RP1: variants seen among roughly 807,000 people sequenced by gnomAD.
RP1 encodes RP1 axonemal microtubule associated, also known as oxygen-regulated protein 1.
RP1 carries 16 observed loss-of-function variants against 14.8 expected under a neutral mutation model. That is an observed-to-expected ratio of 1.08 (90% CI 0.73 to 1.65). The LOEUF is 1.65. Ranked by LOEUF, RP1 falls within the 40% of genes most tolerant of loss-of-function variation. RP1 has a pLI of 0.00. For missense variants in RP1, 2,631 were observed against 2,535.0 expected (o/e 1.04, Z -0.81); for synonymous variants, 876 against 883.6 (o/e 0.99, Z 0.15).
chr8:54,774,526 C>T (rs1401253304), downstream of RP1, among the ~76,000 whole-genome samples: 2 of 152,186 alleles, frequency 1.3e-5, no homozygotes, highest in African/African-American at 2.4e-5. Flanking sequence ...TGTTTGGTGC[C>T]TAAAACCTTT....
intron 25 of RP1, among the ~76,000 whole-genome samples, chr8:54,850,257 A>G (rs901210766): frequency 6.6e-6 from 1 of 152,204 alleles, no homozygotes; most frequent in Non-Finnish European, 1.5e-5. Flanking sequence ...GGTATTAGTA[A>G]TACCTGTCTT....
intron 8 of RP1, among the ~76,000 whole-genome samples, chr8:54,675,831 G>T (rs925025276): frequency 4.6e-5 from 7 of 152,082 alleles, no homozygotes; most frequent in African/African-American, 1.7e-4. Context: ...CTCACCATCT[G>T]TCTTACTTAG....
At chr8:54,792,425 C>G (rs775480115) in intron 24 of RP1, among the ~76,000 whole-genome samples, 2 of 151,572 alleles carry the variant, frequency 1.3e-5, no homozygotes, top group African/African-American at 4.8e-5. Flanking sequence ...CTCAAGGGCA[C>G]GTAAAATATC....
chr8:54,762,451 A>G (rs1809663053), intron 22 of RP1, among the ~76,000 whole-genome samples: 1 of 151,744 alleles, frequency 6.6e-6, no homozygotes, highest in Non-Finnish European at 1.5e-5. Flanking sequence ...GCTTTATTTT[A>G]TTTCTATGCC....
At position 54,577,852 on chromosome 8, in the gene RP1, G is replaced by C. The variant is rs1585521328; in HGVS notation, c.-13+18532G>C. 1.3e-5 allele frequency among the ~76,000 whole-genome samples: 2 copies of C among 152,142 alleles called. 1 individual carries two copies. The highest frequency in any genetic ancestry group is 1.3e-4 in the Admixed American group (2 of 15,274). On this transcript the variant is annotated intron_variant, in intron 1 of 22. Transcript: ENST00000636932. ...CTGCACTTCACTGGCTTTTCACACGGTGCCTTGATAATTTCAGACTTGGAT... is the reference window on the plus strand; with the variant it reads ...CTGCACTTCACTGGCTTTTCACACGCTGCCTTGATAATTTCAGACTTGGAT...
chr8:54,661,608 A>G (rs1185079015), intron 6 of RP1, among the ~76,000 whole-genome samples: 1 of 152,198 alleles, frequency 6.6e-6, no homozygotes, highest in East Asian at 1.9e-4. Context: ...GGAATGGAAT[A>G]TGAAAGAATA....
chr8:54,622,366 T>G lies in RP1; in HGVS notation c.787+78T>G, dbSNP rs1805905500. 5.8e-6 allele frequency: 7 copies of G among 1,212,612 alleles called. No homozygotes were observed. The East Asian group carries it at 1.7e-4, about 29-fold the overall frequency. The allele number at this position is 1,212,612 out of a possible 1,614,324, so 75.1% of individuals were successfully genotyped here. ...GCCTCAAGGACGGCAAAATCCATGC[T>G]TCAATGACCAGTTTCTTCCACCACA... On this transcript the variant is annotated intron_variant, in intron 3 of 3. Coordinates refer to ENST00000220676, the MANE Select transcript of RP1 (RefSeq NM_006269.2).
chr8:54,605,026 G>T (rs1206188509), intron 1 of RP1, among the ~76,000 whole-genome samples: 33 of 151,908 alleles, frequency 2.2e-4, no homozygotes, highest in Non-Finnish European at 3.1e-4. Context: ...GGTTTTTTGT[G>T]TCTCTATTTC....
intron 24 of RP1, among the ~76,000 whole-genome samples, chr8:54,802,782 TGA>T (rs1283987465): frequency 6.6e-6 from 1 of 152,194 alleles, no homozygotes; most frequent in Admixed American, 6.5e-5. Context: ...AGAAGTGTTA[TGA>T]GTTAGTGCCC....
exon 8 of RP1, chr8:54,673,915 T>C: frequency 6.5e-7 from 1 of 1,535,858 alleles, no homozygotes; most frequent in Non-Finnish European, 8.7e-7. Context: ...TAGGCCATGA[T>C]GGACTTGGCC....
rs960932172 is a variant in RP1 at position 54,566,093 on chromosome 8, G to A, written c.-13+6773G>A. On this transcript the variant is annotated intron_variant, in intron 1 of 22. Coordinates refer to the RP1 transcript ENST00000636932. ...GATTCGGGGCCCAACCCCACTCCAG[G>A]ATGACTCCGTCTTAGCCAATCACAT... 8.5e-5 allele frequency among the ~76,000 whole-genome samples: 13 copies of A among 152,258 alleles called. No homozygotes were observed. In the East Asian group the frequency reaches 2.5e-3, roughly 29 times the overall value.
At position 54,777,185 on chromosome 8, in the gene RP1, T is replaced by C. The variant is rs542348522; in HGVS notation, c.3452-6362T>C. Among the ~76,000 whole-genome samples the C allele has an allele frequency of 4.4e-4, 67 of 152,316 alleles. 1 individual carries two copies. The highest frequency in any genetic ancestry group is 1.6e-3 in the African/African-American group (65 of 41,572). ...AACAGAGCCTAATATATCTTATGTA[T>C]CCAATAAACACTAGCTTTTAAACTG... On this transcript the variant is annotated intron_variant, in intron 23 of 28. Coordinates refer to the RP1 transcript ENST00000637698.
chr8:54,831,401 C>CTTTTTTTTTT (rs368455444), intron 24 of RP1, among the ~76,000 whole-genome samples: 19 of 102,662 alleles, frequency 1.9e-4, no homozygotes, highest in South Asian at 3.6e-4. Flanking sequence ...CCTATTGTTT[C>CTTTTTTTTTT]TTTTTTTTTT....
intron 24 of RP1, among the ~76,000 whole-genome samples, chr8:54,786,468 A>G (rs1263264334): frequency 2.7e-5 from 3 of 113,084 alleles, no homozygotes; most frequent in African/African-American, 1.0e-4. Flanking sequence ...GTTGGTTTTA[A>G]TAGTTACTGT....
chr8:54,833,578 T>G (rs1216875434), intron 24 of RP1, among the ~76,000 whole-genome samples: 1 of 152,030 alleles, frequency 6.6e-6, no homozygotes, highest in African/African-American at 2.4e-5. Flanking sequence ...TTAGAAAAAG[T>G]TAAAGATCCA....
At chr8:54,573,295 T>C (rs1176119409) in intron 1 of RP1, among the ~76,000 whole-genome samples, 1 of 146,840 alleles carries the variant, frequency 6.8e-6, no homozygotes, top group Non-Finnish European at 1.5e-5. Flanking sequence ...AACCAAGGTG[T>C]AAAGTCTGCT....
At chr8:54,784,320 G>A (rs1422887729) in intron 24 of RP1, among the ~76,000 whole-genome samples, 1 of 152,026 alleles carries the variant, frequency 6.6e-6, no homozygotes, top group African/African-American at 2.4e-5. Flanking sequence ...CTCAATAAAT[G>A]TTTGCTATTA....
At chr8:54,682,299 G>C (rs1465379464) in intron 12 of RP1, among the ~76,000 whole-genome samples, 1 of 149,408 alleles carries the variant, frequency 6.7e-6, no homozygotes, top group African/African-American at 2.5e-5. Flanking sequence ...GTGCAGGTTT[G>C]TTACATAGGT....
At chr8:54,811,850 C>T (rs769341480) in intron 24 of RP1, among the ~76,000 whole-genome samples, 12 of 152,244 alleles carry the variant, frequency 7.9e-5, no homozygotes, top group Admixed American at 3.9e-4. Context: ...TGAAAGCTCA[C>T]TTACCGCATA....
Sources: gnomAD v4.1 joint callset for allele counts (sites outside exome capture counted in the v4.1 genomes callset) on GRCh38, gnomAD v4.1.1 for gene constraint, MANE v1.5 for transcripts, NCBI Gene and HGNC (gene_info 2026-07-23, HGNC 2026-07-21) for gene names.